The following CTNNA3 variants were observed in gnomAD, a reference collection of about 807,000 sequenced individuals.
CTNNA3 encodes catenin alpha-3.
A neutral mutation model predicts 95.7 loss-of-function variants in CTNNA3; 76 were observed. The observed-to-expected ratio is 0.79, with a 90% CI of 0.66 to 0.96. CTNNA3 has a LOEUF of 0.96. Among genes scored for constraint, CTNNA3 ranks in the 40% least tolerant of loss-of-function variants. The pLI is 0.00. For synonymous variants in CTNNA3, 431 were observed against 374.4 expected, an observed-to-expected ratio of 1.15 and a Z score of -1.74; for missense variants, 1,191 against 1,089.8, an observed-to-expected ratio of 1.09 and a Z score of -1.31.
chr10:66,438,083 G>A (rs1272994121), intron 11 of CTNNA3, among the ~76,000 whole-genome samples: 2 of 152,110 alleles, frequency 1.3e-5, no homozygotes, highest in African/African-American at 2.4e-5. Flanking sequence ...TTATTCCAGA[G>A]GGGCACCTGC....
intron 7 of CTNNA3, among the ~76,000 whole-genome samples, chr10:67,075,496 G>A (rs1341124290): frequency 6.6e-6 from 1 of 152,160 alleles, no homozygotes; most frequent in Non-Finnish European, 1.5e-5. Context: ...TAAGAAAGGT[G>A]AAGTTGGAAA....
intron 7 of CTNNA3, among the ~76,000 whole-genome samples, chr10:66,829,918 T>C (rs1041093791): frequency 6.7e-6 from 1 of 149,996 alleles, no homozygotes; most frequent in African/African-American, 2.5e-5. Flanking sequence ...CAGGCTGGAG[T>C]GCAGTGGTGC....
chr10:66,323,832 G>C (rs781658690), intron 12 of CTNNA3, among the ~76,000 whole-genome samples: 1 of 151,922 alleles, frequency 6.6e-6, no homozygotes, highest in Non-Finnish European at 1.5e-5. Context: ...ACCAGCAGAT[G>C]AGGATATAAG....
chr10:66,336,649 A>G (rs2092399748), intron 12 of CTNNA3, among the ~76,000 whole-genome samples: 1 of 152,050 alleles, frequency 6.6e-6, no homozygotes, highest in African/African-American at 2.4e-5. Context: ...TAATTTGATT[A>G]TGTTTTCTAA....
chr10:67,338,486 G>T (rs367738248), intron 5 of CTNNA3, among the ~76,000 whole-genome samples: 1 of 151,852 alleles, frequency 6.6e-6, no homozygotes, highest in East Asian at 1.9e-4. Flanking sequence ...AATGTGGAGG[G>T]GACAAACATC....
chr10:66,171,060 G>C (rs531921396), intron 13 of CTNNA3, among the ~76,000 whole-genome samples: 1 of 152,136 alleles, frequency 6.6e-6, no homozygotes, highest in South Asian at 2.1e-4. Context: ...TTGAACCTGA[G>C]AGGCAGAGAT....
At chr10:66,555,400 A>G (rs1378631788) in intron 10 of CTNNA3, among the ~76,000 whole-genome samples, 2 of 152,152 alleles carry the variant, frequency 1.3e-5, no homozygotes, top group Non-Finnish European at 2.9e-5. Context: ...CACTTAAGAT[A>G]AACCTTAAAT....
At chr10:66,416,787 T>A (rs1020338424) in intron 11 of CTNNA3, among the ~76,000 whole-genome samples, 3 of 151,970 alleles carry the variant, frequency 2.0e-5, no homozygotes, top group Non-Finnish European at 4.4e-5. Flanking sequence ...ACCACTAGAC[T>A]GACCATACAA....
At chr10:66,916,603 T>C (rs1367554319) in intron 7 of CTNNA3, among the ~76,000 whole-genome samples, 1 of 152,194 alleles carries the variant, frequency 6.6e-6, no homozygotes, top group Non-Finnish European at 1.5e-5. Flanking sequence ...AAGCTAATAC[T>C]ATAAGCCATT....
At chr10:67,102,940 T>C (rs930953330) in intron 7 of CTNNA3, among the ~76,000 whole-genome samples, 1 of 151,838 alleles carries the variant, frequency 6.6e-6, no homozygotes, top group African/African-American at 2.4e-5. Flanking sequence ...TGGAAAATAG[T>C]AGTAAGACAA....
intron 16 of CTNNA3, among the ~76,000 whole-genome samples, chr10:65,985,941 C>T (rs1206770344): frequency 3.3e-5 from 5 of 151,394 alleles, no homozygotes; most frequent in Non-Finnish European, 7.4e-5. Context: ...TAATAAATTA[C>T]TTTTGGCTAT....
At chr10:67,703,451 G>T (rs1340558648) in intron 1 of CTNNA3, among the ~76,000 whole-genome samples, 2 of 151,970 alleles carry the variant, frequency 1.3e-5, no homozygotes, top group Admixed American at 6.6e-5. Flanking sequence ...TTCATCCCTG[G>T]GATGCAAGGC....
intron 8 of CTNNA3, among the ~76,000 whole-genome samples, chr10:66,769,802 C>T (rs911070596): frequency 6.6e-6 from 1 of 152,214 alleles, no homozygotes; most frequent in African/African-American, 2.4e-5. Flanking sequence ...TCTCAGAGAT[C>T]CTCAAGCTCT....
intron 13 of CTNNA3, among the ~76,000 whole-genome samples, chr10:66,221,912 G>T (rs903292168): frequency 7.2e-5 from 11 of 152,164 alleles, no homozygotes; most frequent in African/African-American, 2.7e-4. Flanking sequence ...AAGTAATTGA[G>T]TTGCATTTTG....
chr10:66,323,969 G>A (rs1429656327), intron 12 of CTNNA3, among the ~76,000 whole-genome samples: 1 of 151,918 alleles, frequency 6.6e-6, no homozygotes, highest in Non-Finnish European at 1.5e-5. Flanking sequence ...CCAACTCCAA[G>A]GGAAGATCAT....
chr10:67,347,845 AAAAC>A (rs1842489608), intron 5 of CTNNA3, among the ~76,000 whole-genome samples: 1 of 151,266 alleles, frequency 6.6e-6, no homozygotes, highest in African/African-American at 2.4e-5. Flanking sequence ...AAAAAAAAAA[AAAAC>A]ACAAAAACCA....
At chr10:66,868,994 TGCAAACTCAAATGCCTA>T (rs1844295255) in intron 7 of CTNNA3, among the ~76,000 whole-genome samples, 1 of 152,122 alleles carries the variant, frequency 6.6e-6, no homozygotes, top group Non-Finnish European at 1.5e-5. Flanking sequence ...ATTCACAGGT[TGCAAACTCAAATGCCTA>T]TCAAAGTCAG....
At chr10:66,389,994 C>T (rs1483983126) in intron 11 of CTNNA3, among the ~76,000 whole-genome samples, 1 of 152,100 alleles carries the variant, frequency 6.6e-6, no homozygotes, top group Non-Finnish European at 1.5e-5. Flanking sequence ...CCTCAGATTC[C>T]CAAAGTGTTG....
chr10:66,147,274 C>T (rs78676622), intron 13 of CTNNA3, among the ~76,000 whole-genome samples: 5,566 of 152,028 alleles, frequency 0.037, 154 homozygotes, highest in Non-Finnish European at 0.054. Flanking sequence ...TAATTAAATG[C>T]CCAATATTCT....
Sources: allele counts gnomAD v4.1 joint callset (sites outside exome capture counted in the v4.1 genomes callset), GRCh38; gene constraint gnomAD v4.1.1; transcripts MANE v1.5; gene names NCBI Gene and HGNC (gene_info 2026-07-23, HGNC 2026-07-21).